SYNDIG1L: variants seen among roughly 807,000 people sequenced by gnomAD.
SYNDIG1L encodes the protein synapse differentiation inducing 1 like.
SYNDIG1L carries 13 observed loss-of-function variants against 20.1 expected under a neutral mutation model. The ratio of observed to expected loss-of-function variants is 0.65; its 90% CI spans 0.42 to 1.03. SYNDIG1L has a LOEUF of 1.03. Among genes scored for constraint, SYNDIG1L ranks in the 50% least tolerant of loss-of-function variants. The pLI is 0.00. For synonymous variants in SYNDIG1L, 128 were observed against 129.3 expected (o/e 0.99, Z 0.07); for missense variants, 294 against 305.1 (o/e 0.96, Z 0.27).
At chr14:74,413,459 C>T (rs2086148549) in intron 1 of SYNDIG1L, among the ~76,000 whole-genome samples, 1 of 152,148 alleles carries the variant, frequency 6.6e-6, no homozygotes. Flanking sequence ...ATACTCATTG[C>T]AGATTCGGTG....
At chr14:74,409,897 T>G in intron 1 of SYNDIG1L, 96 bp from the exon 2 acceptor site, 1 of 993,880 alleles carries the variant, frequency 1.0e-6, no homozygotes, top group East Asian at 3.2e-5. Flanking sequence ...CTGACTTGGC[T>G]CAAACTCTGC....
chr14:74,464,367 G>A, the SYNDIG1L span, among the ~76,000 whole-genome samples: 2 of 152,140 alleles, frequency 1.3e-5, no homozygotes, highest in African/African-American at 4.8e-5. Flanking sequence ...CTATGGTATT[G>A]AGATGATCTA....
Position 74,405,906 on chromosome 14 carries a change from G to T in SYNDIG1L, c.*1629C>A, listed in dbSNP as rs1266906640. On this transcript the variant is annotated 3_prime_UTR_variant, in exon 4 of 4. Coordinates refer to ENST00000331628, the MANE Select transcript of SYNDIG1L (RefSeq NM_001105579.2). ...TACCTAGAGGGCACCAGGTGTTACA[G>T]AAACATTTATTACAAGGATAAATCA... 2 of 398,644 alleles carry T rather than the reference G, an allele frequency of 5.0e-6. No homozygotes were observed. Among genetic ancestry groups the T allele is most frequent in the Non-Finnish European group, 8.8e-6 (2 of 226,162 alleles). 24.7% of individuals were successfully genotyped at this position (398,644 alleles called of 1,614,324 possible).
the SYNDIG1L span, among the ~76,000 whole-genome samples, chr14:74,473,846 C>T: frequency 1.3e-5 from 2 of 152,230 alleles, no homozygotes; most frequent in African/African-American, 4.8e-5. Context: ...CCTAGGCCTC[C>T]TATACCCTCG....
chr14:74,468,466 T>C, the SYNDIG1L span, among the ~76,000 whole-genome samples: 1 of 151,982 alleles, frequency 6.6e-6, no homozygotes, highest in African/African-American at 2.4e-5. Context: ...ACCTCCCTTC[T>C]CGGGGACATT....
At chr14:74,419,917 G>A (rs2086208032) in intron 1 of SYNDIG1L, among the ~76,000 whole-genome samples, 1 of 152,184 alleles carries the variant, frequency 6.6e-6, no homozygotes, top group Non-Finnish European at 1.5e-5. Flanking sequence ...AATGAGGCAG[G>A]AGAGGTGGGA....
At chr14:74,443,197 C>A in the SYNDIG1L span, among the ~76,000 whole-genome samples, 3 of 152,072 alleles carry the variant, frequency 2.0e-5, no homozygotes, top group African/African-American at 7.2e-5. Flanking sequence ...GAAGAATGAA[C>A]CTGAAAAGGA....
At chr14:74,408,268 A>G (rs1043657955) in intron 2 of SYNDIG1L, among the ~76,000 whole-genome samples, 1 of 152,166 alleles carries the variant, frequency 6.6e-6, no homozygotes, top group Non-Finnish European at 1.5e-5. Flanking sequence ...GAAAGAAGAG[A>G]AACACTCTCA....
the SYNDIG1L span, among the ~76,000 whole-genome samples, chr14:74,444,500 C>T: frequency 6.6e-6 from 1 of 151,736 alleles, no homozygotes; most frequent in Admixed American, 6.6e-5. Flanking sequence ...CCTGTAATCC[C>T]AGCACTTTGG....
At chr14:74,456,802 G>C in the SYNDIG1L span, among the ~76,000 whole-genome samples, 14 of 152,062 alleles carry the variant, frequency 9.2e-5, no homozygotes, top group Admixed American at 3.9e-4. Context: ...GGGCCACCTT[G>C]GCTCTCGGCG....
At chr14:74,450,753 C>G in the SYNDIG1L span, among the ~76,000 whole-genome samples, 87,414 of 151,930 alleles carry the variant, frequency 0.58, 26,191 homozygotes, top group African/African-American at 0.76. Context: ...TAAAGTACTT[C>G]TACATGCCAT....
At chr14:74,474,887 C>T in the SYNDIG1L span, 1 of 151,974 alleles carries the variant, frequency 6.6e-6, no homozygotes, top group Non-Finnish European at 1.5e-5. Context: ...GACATTTTTC[C>T]CTATTAAAAA....
At chr14:74,425,628 C>G (rs1168707318) in intron 1 of SYNDIG1L, among the ~76,000 whole-genome samples, 2 of 152,172 alleles carry the variant, frequency 1.3e-5, no homozygotes, top group Non-Finnish European at 2.9e-5. Context: ...TATTTCTTGC[C>G]GTCAGTAGGC....
chr14:74,418,611 C>T lies in SYNDIG1L; in HGVS notation c.-58+7301G>A, dbSNP rs78713048. 2.0e-3 allele frequency among the ~76,000 whole-genome samples: 307 copies of T among 152,310 alleles called. 11 individuals carry two copies. In the East Asian group the frequency reaches 0.053, roughly 27 times the overall value. On this transcript the variant is annotated intron_variant, in intron 1 of 3. Transcript: ENST00000331628. ...TTGCAACTGCTTCAACCACAGAGCACAGCAAAAGTGATGCTATGTGACTTC... is the reference window on the plus strand; with the variant it reads ...TTGCAACTGCTTCAACCACAGAGCATAGCAAAAGTGATGCTATGTGACTTC...
chr14:74,430,051 C>T (rs993832048), upstream of SYNDIG1L, among the ~76,000 whole-genome samples: 6 of 152,154 alleles, frequency 3.9e-5, no homozygotes, highest in African/African-American at 1.4e-4. Flanking sequence ...GAGGAGAGTT[C>T]TTAGCACCGG....
chr14:74,439,287 C>G, the SYNDIG1L span, among the ~76,000 whole-genome samples: 1 of 152,114 alleles, frequency 6.6e-6, no homozygotes, highest in South Asian at 2.1e-4. Flanking sequence ...CTCTCCTTCA[C>G]TTGACTCTTG....
upstream of SYNDIG1L, among the ~76,000 whole-genome samples, chr14:74,426,901 C>T (rs2086271101): frequency 6.6e-6 from 1 of 151,970 alleles, no homozygotes; most frequent in Admixed American, 6.5e-5. Flanking sequence ...AGCAAGTTAC[C>T]TAACCTCTTA....
At chr14:74,458,381 C>G in the SYNDIG1L span, among the ~76,000 whole-genome samples, 25 of 151,930 alleles carry the variant, frequency 1.6e-4, no homozygotes, top group Middle Eastern at 6.8e-3. Flanking sequence ...CTTTGGGAAG[C>G]TGAGGTGGGT....
intron 1 of SYNDIG1L, among the ~76,000 whole-genome samples, chr14:74,423,534 C>G (rs1049918861): frequency 2.0e-5 from 3 of 152,184 alleles, no homozygotes; most frequent in Admixed American, 1.3e-4. Context: ...GTCCCCCACC[C>G]TGGCTGGGCA....
Sources: allele counts gnomAD v4.1 joint callset (sites outside exome capture counted in the v4.1 genomes callset), GRCh38; gene constraint gnomAD v4.1.1; transcripts MANE v1.5; gene names NCBI Gene and HGNC (gene_info 2026-07-23, HGNC 2026-07-21).